Variants in TMEM263 observed in about 807,000 individuals in gnomAD.
TMEM263 encodes UPF0444 transmembrane protein C12orf23.
In TMEM263, 5 loss-of-function variants were observed where a neutral mutation model predicts 8.6. The observed-to-expected ratio is 0.58, with a 90% CI of 0.31 to 1.23. The LOEUF (loss-of-function observed/expected upper bound fraction) is 1.23. TMEM263 is among the 50% of genes most tolerant of loss of function. TMEM263 has a pLI of 0.07. For missense variants in TMEM263, 104 were observed against 138.8 expected (o/e 0.75, Z 1.26); for synonymous variants, 50 against 47.9 (o/e 1.04, Z -0.18).
At chr12:106,966,162 C>G (rs1021433306) in intron 2 of TMEM263, among the ~76,000 whole-genome samples, 1 of 152,148 alleles carries the variant, frequency 6.6e-6, no homozygotes, top group Non-Finnish European at 1.5e-5. Flanking sequence ...CAAGCAGGCC[C>G]TGGTGTCTCT....
chr12:106,973,388 A>G lies in TMEM263; in HGVS notation c.*1997A>G, dbSNP rs1239669813. On this transcript the variant is annotated 3_prime_UTR_variant, in exon 4 of 4. Coordinates refer to ENST00000280756, the MANE Select transcript of TMEM263 (RefSeq NM_152261.4). Reference sequence around the variant, plus strand: ...TAGACTCCACTGTGCTTTGTGTCTGAATTTCTCAGTATAGACATTTTGTTT... The same window carrying G: ...TAGACTCCACTGTGCTTTGTGTCTGGATTTCTCAGTATAGACATTTTGTTT... 3.3e-5 allele frequency: 5 copies of G among 152,554 alleles called. No individual in the cohort carries two copies. The highest frequency in any genetic ancestry group is 1.2e-4 in the African/African-American group (5 of 41,428). 9.5% of individuals were successfully genotyped at this position (152,554 alleles called of 1,614,324 possible).
At chr12:106,956,598 C>G (rs2041893) in intron 1 of TMEM263, among the ~76,000 whole-genome samples, 98,203 of 151,938 alleles carry the variant, frequency 0.65, 33,607 homozygotes, top group African/African-American at 0.87. Context: ...GGGTGCTGGC[C>G]GCGCCCAGGG....
At position 106,962,274 on chromosome 12, in the gene TMEM263, T is replaced by C. The variant is rs913550255; in HGVS notation, c.-6-4837T>C. Reference sequence around the variant, plus strand: ...ACTTCGGCATACTTTCTTCCAGTCTTTTTGTATGCATTTTTTAAAAAATTG... The same window carrying C: ...ACTTCGGCATACTTTCTTCCAGTCTCTTTGTATGCATTTTTTAAAAAATTG... On this transcript the variant is annotated intron_variant, in intron 2 of 3. Coordinates refer to ENST00000280756, the MANE Select transcript of TMEM263 (RefSeq NM_152261.4). Among the ~76,000 whole-genome samples the C allele has an allele frequency of 4.9e-5, 7 of 143,046 alleles. No homozygotes were observed. The East Asian group carries it at 1.5e-3, about 30-fold the overall frequency. 93.8% of individuals were successfully genotyped at this position (143,046 alleles called of 152,430 possible).
At chr12:106,965,560 C>T (rs1040546523) in intron 2 of TMEM263, among the ~76,000 whole-genome samples, 2 of 150,638 alleles carry the variant, frequency 1.3e-5, no homozygotes, top group Non-Finnish European at 2.9e-5. Context: ...GAGCTGAGAT[C>T]GCACCACTGC....
At chr12:106,962,605 A>G (rs1951793860) in intron 2 of TMEM263, among the ~76,000 whole-genome samples, 1 of 152,106 alleles carries the variant, frequency 6.6e-6, no homozygotes, top group African/African-American at 2.4e-5. Flanking sequence ...TATCACTTCA[A>G]ACCGCTCTTA....
intron 2 of TMEM263, among the ~76,000 whole-genome samples, chr12:106,966,360 GCAC>G (rs1374000495): frequency 6.6e-6 from 1 of 152,184 alleles, no homozygotes; most frequent in African/African-American, 2.4e-5. Context: ...TGATGTATAT[GCAC>G]CACATTTTCT....
chr12:106,956,892 AG>A (rs1951700937), intron 1 of TMEM263, 189 bp from the exon 2 acceptor site: 1 of 172,040 alleles, frequency 5.8e-6, no homozygotes, highest in Admixed American at 6.5e-5. Context: ...TCACTGCTAA[AG>A]AAAAAAAAAA....
intron 1 of TMEM263, among the ~76,000 whole-genome samples, chr12:106,956,472 C>G (rs995175708): frequency 6.6e-6 from 1 of 152,186 alleles, no homozygotes. Context: ...TGTTGCTAAA[C>G]CTCCCTTTTG....
In TMEM263 at chr12:106,972,021, G is replaced by T. The variant is rs1951928832; in HGVS notation, c.*630G>T. 6.6e-6 allele frequency: 1 copy of T among 152,634 alleles called. No homozygotes were observed. Among genetic ancestry groups the T allele is most frequent in the Non-Finnish European group, 1.5e-5 (1 of 68,032 alleles). 9.5% of individuals were successfully genotyped at this position (152,634 alleles called of 1,614,324 possible). On this transcript the variant is annotated 3_prime_UTR_variant, in exon 4 of 4. Coordinates refer to ENST00000280756, the MANE Select transcript of TMEM263 (RefSeq NM_152261.4). ...AAGAAAACATCTTTTCTAATACCCT[G>T]AATATGTGCTGTTCTTAGAATCATC...
chr12:106,961,212 C>T (rs114529158), intron 2 of TMEM263, among the ~76,000 whole-genome samples: 2,680 of 146,860 alleles, frequency 0.018, 87 homozygotes, highest in African/African-American at 0.065. Context: ...CGTGCACCAC[C>T]GTGCCCAGTC....
intron 2 of TMEM263, among the ~76,000 whole-genome samples, chr12:106,963,853 T>C (rs938084560): frequency 6.6e-6 from 1 of 152,226 alleles, no homozygotes; most frequent in Non-Finnish European, 1.5e-5. Context: ...GTAAGACTGT[T>C]GGTAGGGATT....
intron 2 of TMEM263, among the ~76,000 whole-genome samples, chr12:106,960,195 C>T (rs948820150): frequency 6.6e-5 from 10 of 152,038 alleles, no homozygotes; most frequent in Non-Finnish European, 8.8e-5. Context: ...CCACCATGCC[C>T]GGCTAATTTT....
chr12:106,962,570 A>G (rs1432942350), intron 2 of TMEM263, among the ~76,000 whole-genome samples: 1 of 152,136 alleles, frequency 6.6e-6, no homozygotes, highest in East Asian at 1.9e-4. Flanking sequence ...CCTTGATCAT[A>G]TCACCCACTG....
chr12:106,970,296 A>G (rs556479514), intron 3 of TMEM263, among the ~76,000 whole-genome samples: 1 of 152,350 alleles, frequency 6.6e-6, no homozygotes, highest in African/African-American at 2.4e-5. Context: ...TTACCATATT[A>G]GCAATAAAAA....
rs1293751977 is a variant in TMEM263 at position 106,972,885 on chromosome 12, G to T, written c.*1494G>T. On this transcript the variant is annotated 3_prime_UTR_variant, in exon 4 of 4. Coordinates refer to ENST00000280756, the MANE Select transcript of TMEM263 (RefSeq NM_152261.4). ...CTTTTTTTTTTTTTTTTTTTATAGT[G>T]GAGGGGAGGAAAGGGGGGTGATACC... The T allele has an allele frequency of 1.4e-5, 2 of 145,878 alleles. No homozygotes were observed. Among genetic ancestry groups the T allele is most frequent in the African/African-American group, 2.5e-5 (1 of 39,258 alleles). The allele number at this position is 145,878 out of a possible 1,614,324, so 9.0% of individuals were successfully genotyped here.
chr12:106,970,053 C>T (rs1419094026), intron 3 of TMEM263, among the ~76,000 whole-genome samples: 1 of 152,144 alleles, frequency 6.6e-6, no homozygotes, highest in Non-Finnish European at 1.5e-5. Flanking sequence ...TATAGTTTCT[C>T]TATCCTACTT....
At position 106,971,544 on chromosome 12, in the gene TMEM263, G is replaced by A. The variant is rs369112594; in HGVS notation, c.*153G>A. 13 of 773,380 alleles carry A rather than the reference G, an allele frequency of 1.7e-5. No individual in the cohort carries two copies. Among genetic ancestry groups the A allele is most frequent in the African/African-American group, 7.0e-5 (4 of 57,238 alleles). 47.9% of individuals were successfully genotyped at this position (773,380 alleles called of 1,614,324 possible). On this transcript the variant is annotated 3_prime_UTR_variant, in exon 4 of 4. Coordinates refer to ENST00000280756, the MANE Select transcript of TMEM263 (RefSeq NM_152261.4). The stretch of plus-strand genomic sequence containing the variant: ...ATGACTGGCTTTCATCTAAAAAGAA[G>A]AGACCAATACGAGCACAGTATATGA...
chr12:106,957,284 A>G (rs1951711931), intron 2 of TMEM263, 135 bp downstream of exon 2: 2 of 481,628 alleles, frequency 4.2e-6, no homozygotes, highest in African/African-American at 2.0e-5. Flanking sequence ...ATAAACCCAT[A>G]TGCATCCTGT....
chr12:106,961,001 T>TCTTCG (rs1202642744), intron 2 of TMEM263, among the ~76,000 whole-genome samples: 1 of 151,756 alleles, frequency 6.6e-6, no homozygotes, highest in Non-Finnish European at 1.5e-5. Flanking sequence ...CGGATACTTC[T>TCTTCG]CTTCGCTTCG....
Sources: gnomAD v4.1 joint callset for allele counts (sites outside exome capture counted in the v4.1 genomes callset) on GRCh38, gnomAD v4.1.1 for gene constraint, MANE v1.5 for transcripts, NCBI Gene and HGNC (gene_info 2026-07-23, HGNC 2026-07-21) for gene names.